The following RPS14 variants were observed in gnomAD, a reference collection of about 807,000 sequenced individuals.
RPS14 encodes the protein ribosomal protein S14, also known as small ribosomal subunit protein uS11.
In RPS14, 1 loss-of-function variant was observed where a neutral mutation model predicts 15.4. That is an observed-to-expected ratio of 0.07 (90% CI 0.02 to 0.31). The LOEUF (loss-of-function observed/expected upper bound fraction) is 0.31. Ranked by LOEUF, RPS14 falls within the 10% of genes least tolerant of loss-of-function variation. The probability of loss-of-function intolerance (pLI) is 1.00; values close to 1 mark genes in which losing one functional copy is unlikely to be tolerated. For synonymous variants in RPS14, 68 were observed against 74.4 expected (o/e 0.91, Z 0.44); for missense variants, 69 against 205.5 (o/e 0.34, Z 4.06).
In RPS14 at chr5:150,443,705, G is replaced by A. The variant is rs2151197864; in HGVS notation, c.*581C>T. 6.6e-6 allele frequency: 1 copy of A among 152,360 alleles called. No individual in the cohort carries two copies. The highest frequency in any genetic ancestry group is 1.9e-4 in the East Asian group (1 of 5,184). The allele number at this position is 152,360 out of a possible 1,614,324, so 9.4% of individuals were successfully genotyped here. ...CATCTGGTGTCACTGGGTACTCAGA[G>A]CCGCATGCAAGCTTCCGGAAAGCAA... On this transcript the variant is annotated 3_prime_UTR_variant, in exon 5 of 5. Coordinates refer to ENST00000407193, the MANE Select transcript of RPS14 (RefSeq NM_005617.4).
intron 4 of RPS14, 200 bp from the exon 5 acceptor site, chr5:150,444,553 T>C (rs1771031769): frequency 3.0e-6 from 2 of 674,098 alleles, no homozygotes; most frequent in African/African-American, 1.8e-5. Context: ...CTTAACTCAC[T>C]TTCCAGAAAG....
At chr5:150,449,130 A>G (rs1233235627) in intron 1 of RPS14, 1 of 152,206 alleles carries the variant, frequency 6.6e-6, no homozygotes, top group East Asian at 1.9e-4. Context: ...GCGCACAGCA[A>G]ACATTGGTGC....
Position 150,444,174 on chromosome 5 carries a change from A to T in RPS14, c.*112T>A. 6.8e-7 allele frequency: 1 copy of T among 1,463,856 alleles called. No homozygotes were observed. Among genetic ancestry groups the T allele is most frequent in the Non-Finnish European group, 9.1e-7 (1 of 1,102,076 alleles). 90.7% of individuals were successfully genotyped at this position (1,463,856 alleles called of 1,614,324 possible). A position where few individuals can be genotyped will look rare whatever the true frequency, so the allele number is the denominator to read the frequency against. ...GCTCCTTTCTCCCAAGAAGCCAAAT[A>T]GGAGGAAGAAATCAAATGCCTGAGT... On this transcript the variant is annotated 3_prime_UTR_variant, in exon 5 of 5. Coordinates refer to ENST00000407193, the MANE Select transcript of RPS14 (RefSeq NM_005617.4).
In RPS14 at chr5:150,446,731, A is replaced by G. The variant is rs1771110179; in HGVS notation, c.311+71T>C. 6.5e-7 allele frequency: 1 copy of G among 1,536,386 alleles called. No individual in the cohort carries two copies. Among genetic ancestry groups the G allele is most frequent in the Non-Finnish European group, 8.8e-7 (1 of 1,132,690 alleles). The stretch of plus-strand genomic sequence containing the variant: ...GGTCACAACAAAAAACCCAAACCTC[A>G]AATCCAGGTGCTCCAGCACCCAAGC... On this transcript the variant is annotated intron_variant, in intron 3 of 4. Transcript: ENST00000407193. This position sits in a 1 kb window ranked among gnomAD's most constrained non-coding sequence, Gnocchi z 4.2.
chr5:150,445,707 TAAG>T (rs1771074135), intron 3 of RPS14, 22 bp from the exon 4 acceptor site: 6 of 1,589,372 alleles, frequency 3.8e-6, no homozygotes, highest in Non-Finnish European at 5.2e-6. Flanking sequence ...AGGTTTAAGT[TAAG>T]AAGAGCCTTT....
rs1388403501 is a variant in RPS14, at chr5:150,446,664, G to A, written c.311+138C>T. On this transcript the variant is annotated intron_variant, in intron 3 of 4. Coordinates refer to ENST00000407193, the MANE Select transcript of RPS14 (RefSeq NM_005617.4). The surrounding 1 kb of genome is among the most constrained non-coding windows in gnomAD (Gnocchi z 4.2). ...GAGCTGCTGGGGGGTGTACACAGGAGCCAATTATTAAGTATGTATATGCCT... is the reference window on the plus strand; with the variant it reads ...GAGCTGCTGGGGGGTGTACACAGGAACCAATTATTAAGTATGTATATGCCT... The A allele has an allele frequency of 1.2e-6, 1 of 859,802 alleles. No individual in the cohort carries two copies. The highest frequency in any genetic ancestry group is 1.8e-6 in the Non-Finnish European group (1 of 551,474). 53.3% of individuals were successfully genotyped at this position (859,802 alleles called of 1,614,324 possible).
intron 4 of RPS14, among the ~76,000 whole-genome samples, chr5:150,444,950 G>A (rs1052967553): frequency 3.3e-5 from 5 of 152,086 alleles, no homozygotes; most frequent in South Asian, 4.2e-4. Context: ...ATCCGCCCAC[G>A]AGGCGAAATT....
chr5:150,445,560 G>A, intron 4 of RPS14, 49 bp downstream of exon 4: 1 of 1,557,096 alleles, frequency 6.4e-7, no homozygotes, highest in Non-Finnish European at 8.9e-7. Flanking sequence ...GCTTTTTGGG[G>A]CCAATGCTTC....
At chr5:150,444,722 G>GA in intron 4 of RPS14, 1 of 463,250 alleles carries the variant, frequency 2.2e-6, no homozygotes, top group Non-Finnish European at 4.3e-6. Flanking sequence ...AAAAAAGTCT[G>GA]AAAAAATCTT....
In RPS14 at chr5:150,445,619, G is replaced by A. The variant is rs757194226; in HGVS notation, c.378C>T (p.Ile126=). 1.6e-5 allele frequency: 26 copies of A among 1,613,028 alleles called. No individual in the cohort carries two copies. The highest frequency in any genetic ancestry group is 5.3e-5 in the African/African-American group (4 of 74,820). ...LRALARSGMK[I]GRIEDVTPIP... ...GAGGGGGGCACTTACCAATCCGCCC[G>A]ATCTTCATACCCGAGCGGGCAAGGG... The change falls in exon 4 of 5, where the codon ATC becomes ATT. Residue 126 remains isoleucine, a synonymous_variant. Coordinates refer to ENST00000407193, the MANE Select transcript of RPS14 (RefSeq NM_005617.4).
chr5:150,445,054 C>T (rs1343858374), intron 4 of RPS14, among the ~76,000 whole-genome samples: 1 of 152,326 alleles, frequency 6.6e-6, no homozygotes, highest in Admixed American at 6.5e-5. Context: ...AAGTAGGACA[C>T]AGTAGGAACT....
intron 1 of RPS14, chr5:150,447,990 A>G (rs1304999384): frequency 4.6e-6 from 2 of 433,940 alleles, no homozygotes; most frequent in Admixed American, 3.7e-5. Context: ...CTCAGCTCAC[A>G]GCACCTACAA....
At chr5:150,447,900 C>G (rs1455118953) in intron 1 of RPS14, 165 bp from the exon 2 acceptor site, 1 of 742,156 alleles carries the variant, frequency 1.3e-6, no homozygotes, top group East Asian at 2.7e-5. Context: ...CTTCTTTCTC[C>G]TTGCACTTGG....
intron 1 of RPS14, chr5:150,449,355 A>T (rs1297414421): frequency 6.6e-6 from 1 of 152,204 alleles, no homozygotes; most frequent in African/African-American, 2.4e-5. Flanking sequence ...CCAAGAAAAA[A>T]GTTTGGCGAG....
Position 150,445,596 on chromosome 5 carries a change from G to A in RPS14, c.388+13C>T, listed in dbSNP as rs2070840. 4.6e-5 allele frequency: 74 copies of A among 1,611,862 alleles called. No individual in the cohort carries two copies. In the African/African-American group the frequency reaches 8.4e-4, roughly 18 times the overall value. ...AAAATAAACCCAAGCATTAGCTAGA[G>A]GGGGGCACTTACCAATCCGCCCGAT... On this transcript the variant is annotated intron_variant, in intron 4 of 4. Coordinates refer to ENST00000407193, the MANE Select transcript of RPS14 (RefSeq NM_005617.4).
rs1021224563 is a variant in RPS14 at position 150,446,200 on chromosome 5, T to C, written c.312-515A>G. Among the ~76,000 whole-genome samples, 8 of 152,094 alleles carry C rather than the reference T, an allele frequency of 5.3e-5. No individual in the cohort carries two copies. Among genetic ancestry groups the C allele is most frequent in the Admixed American group, 2.6e-4 (4 of 15,268 alleles). On this transcript the variant is annotated intron_variant, in intron 3 of 4. Transcript: ENST00000407193. This position sits in a 1 kb window ranked among gnomAD's most constrained non-coding sequence, Gnocchi z 4.2. ...GTCTGGCTTGTTCACGCAACAGTCA[T>C]CTATTTCAGCTTTCATGCCCCCATC...
chr5:150,443,512 T>G lies in RPS14; in HGVS notation c.*774A>C, dbSNP rs1771000223. 1 of 152,220 alleles carries G rather than the reference T, an allele frequency of 6.6e-6. No individual in the cohort carries two copies. The highest frequency in any genetic ancestry group is 1.5e-5 in the Non-Finnish European group (1 of 68,060). The allele number at this position is 152,220 out of a possible 1,614,324, so 9.4% of individuals were successfully genotyped here. On this transcript the variant is annotated 3_prime_UTR_variant, in exon 5 of 5. Transcript: ENST00000407193. Reference sequence around the variant, plus strand: ...CCAACAGATTTTCCCCTCTTGCTGGTTTCTTTCCTCTACAACTGACTACCT... The same window carrying G: ...CCAACAGATTTTCCCCTCTTGCTGGGTTCTTTCCTCTACAACTGACTACCT...
At chr5:150,447,423 C>A in intron 2 of RPS14, 162 bp downstream of exon 2, 2 of 724,206 alleles carry the variant, frequency 2.8e-6, no homozygotes, top group South Asian at 1.7e-5. Context: ...TCTTGTAACC[C>A]CTGGGAAATC....
intron 1 of RPS14, chr5:150,448,382 G>T (rs947528495): frequency 6.6e-6 from 1 of 152,092 alleles, no homozygotes; most frequent in Non-Finnish European, 1.5e-5. Flanking sequence ...TGGGTCCTGA[G>T]ACTAAATAAC....
Sources: gnomAD v4.1 joint callset for allele counts (sites outside exome capture counted in the v4.1 genomes callset) on GRCh38, gnomAD v4.1.1 for gene constraint, Gnocchi (gnomAD v3.1) non-coding constraint, MANE v1.5 for transcripts, NCBI Gene and HGNC (gene_info 2026-07-23, HGNC 2026-07-21) for gene names.